Variants in SKAP1 observed in about 807,000 individuals in gnomAD.
SKAP1 encodes the protein src kinase associated phosphoprotein 1.
SKAP1 carries 44 observed loss-of-function variants against 58.5 expected under a neutral mutation model. That is an observed-to-expected ratio of 0.75 (90% CI 0.59 to 0.97). The LOEUF is 0.97. Among genes scored for constraint, SKAP1 ranks in the 50% least tolerant of loss-of-function variants. The pLI is 0.00. For missense variants in SKAP1, 390 were observed against 435.2 expected (o/e 0.90, Z 0.92); for synonymous variants, 127 against 149.7 (o/e 0.85, Z 1.11).
chr17:48,262,140 G>A (rs930537804), intron 4 of SKAP1, among the ~76,000 whole-genome samples: 2 of 152,178 alleles, frequency 1.3e-5, no homozygotes, highest in African/African-American at 2.4e-5. Flanking sequence ...TACCTGAGGC[G>A]GCAGAGCCTC....
At chr17:48,375,949 G>A (rs771649434) in intron 2 of SKAP1, among the ~76,000 whole-genome samples, 52 of 152,282 alleles carry the variant, frequency 3.4e-4, no homozygotes, top group Non-Finnish European at 1.3e-4. Context: ...AACAGACTTA[G>A]AGACTGGCTA....
At chr17:48,322,458 TAA>T (rs1428976178) in intron 4 of SKAP1, among the ~76,000 whole-genome samples, 26 of 152,200 alleles carry the variant, frequency 1.7e-4, no homozygotes, top group Non-Finnish European at 3.1e-4. Context: ...ACTCAAGGTA[TAA>T]CGGAAAGAGT....
At chr17:48,256,341 T>G (rs1395866567) in intron 4 of SKAP1, among the ~76,000 whole-genome samples, 1 of 152,110 alleles carries the variant, frequency 6.6e-6, no homozygotes, top group African/African-American at 2.4e-5. Context: ...TTAATTATAA[T>G]TGACATTCTT....
intron 4 of SKAP1, among the ~76,000 whole-genome samples, chr17:48,270,390 CT>C (rs1195705776): frequency 6.6e-6 from 1 of 151,916 alleles, no homozygotes; most frequent in African/African-American, 2.4e-5. Flanking sequence ...GTCACTGAGG[CT>C]GGAGTGCAGG....
intron 4 of SKAP1, among the ~76,000 whole-genome samples, chr17:48,207,316 T>C (rs1055339609): frequency 1.3e-5 from 2 of 151,810 alleles, no homozygotes; most frequent in Non-Finnish European, 2.9e-5. Flanking sequence ...GCAGAAACCA[T>C]CTCTACTAAA....
chr17:48,364,079 G>A (rs1553749), intron 2 of SKAP1, among the ~76,000 whole-genome samples: 50,756 of 152,026 alleles, frequency 0.33, 9,175 homozygotes, highest in African/African-American at 0.47. Flanking sequence ...GGAACCTAGC[G>A]GTGGCCTGGG....
At chr17:48,139,438 C>T (rs2063742377) in intron 11 of SKAP1, among the ~76,000 whole-genome samples, 1 of 152,050 alleles carries the variant, frequency 6.6e-6, no homozygotes, top group South Asian at 2.1e-4. Context: ...GCCGCAGCCT[C>T]CCAAAGTACT....
At chr17:48,153,894 T>TAAAAAAAAAAAA (rs1259590946) in intron 11 of SKAP1, among the ~76,000 whole-genome samples, 1 of 99,248 alleles carries the variant, frequency 1.0e-5, no homozygotes, top group South Asian at 3.1e-4. Flanking sequence ...GCCCTGAAAT[T>TAAAAAAAAAAAA]AAAAAAAAAA....
chr17:48,149,643 G>C (rs775984887), intron 11 of SKAP1, among the ~76,000 whole-genome samples: 3 of 152,072 alleles, frequency 2.0e-5, no homozygotes, highest in South Asian at 2.1e-4. Flanking sequence ...CCTACCCTCG[G>C]TGGGGTCATG....
chr17:48,442,140 C>T, the SKAP1 span, among the ~76,000 whole-genome samples: 14 of 152,042 alleles, frequency 9.2e-5, no homozygotes, highest in African/African-American at 3.1e-4. Flanking sequence ...ATTCTCATGT[C>T]GGTCCAAGTT....
rs138675473 is a variant in SKAP1 at position 48,240,044 on chromosome 17, G to A, written c.281-50544C>T. On this transcript the variant is annotated intron_variant, in intron 4 of 12. Transcript: ENST00000336915. ...TGGATTCAGTTAGTAAAATGTTTGT[G>A]CAGTATTTAAGGCCATAATGGGCTC... Among the ~76,000 whole-genome samples, 186 of 152,280 alleles carry A rather than the reference G, an allele frequency of 1.2e-3. 1 individual carries two copies. The highest frequency in any genetic ancestry group is 4.3e-3 in the African/African-American group (178 of 41,566).
intron 10 of SKAP1, among the ~76,000 whole-genome samples, chr17:48,164,163 A>G (rs2064106472): frequency 6.6e-6 from 1 of 152,246 alleles, no homozygotes. Context: ...ATAGAGAAAT[A>G]TCAATCCCTG....
intron 1 of SKAP1, among the ~76,000 whole-genome samples, chr17:48,416,008 T>A (rs921560391): frequency 6.6e-6 from 1 of 152,200 alleles, no homozygotes; most frequent in African/African-American, 2.4e-5. Flanking sequence ...CTAGGTATAA[T>A]ACTTGAAAAG....
intron 4 of SKAP1, among the ~76,000 whole-genome samples, chr17:48,315,837 A>G (rs989055259): frequency 6.6e-5 from 10 of 152,222 alleles, no homozygotes; most frequent in African/African-American, 2.4e-4. Context: ...GACTATGCAT[A>G]TAAAGCATAT....
chr17:48,221,092 C>T (rs1323000844), intron 4 of SKAP1, among the ~76,000 whole-genome samples: 1 of 151,850 alleles, frequency 6.6e-6, no homozygotes, highest in Non-Finnish European at 1.5e-5. Flanking sequence ...TATGGTGAAA[C>T]CGCGTCTCTA....
chr17:48,242,055 C>T (rs2065248682), intron 4 of SKAP1, among the ~76,000 whole-genome samples: 1 of 152,118 alleles, frequency 6.6e-6, no homozygotes, highest in East Asian at 1.9e-4. Context: ...GAACTGAGTC[C>T]AACAACACTA....
At chr17:48,299,572 G>A (rs2066031323) in intron 4 of SKAP1, among the ~76,000 whole-genome samples, 1 of 151,350 alleles carries the variant, frequency 6.6e-6, no homozygotes, top group African/African-American at 2.4e-5. Context: ...ATATATGTAT[G>A]TGTGTGTGTG....
chr17:48,162,122 C>T (rs1193975494), intron 11 of SKAP1, among the ~76,000 whole-genome samples: 8 of 152,134 alleles, frequency 5.3e-5, no homozygotes, highest in Non-Finnish European at 1.2e-4. Context: ...TGTGCTACCA[C>T]ACCTGGTTAA....
intron 4 of SKAP1, among the ~76,000 whole-genome samples, chr17:48,205,023 C>CTT (rs1461551875): frequency 3.2e-3 from 174 of 54,264 alleles, no homozygotes; most frequent in African/African-American, 8.6e-3. Flanking sequence ...CTTTTTCTTT[C>CTT]TTTCTTTCTT....
Sources: allele counts gnomAD v4.1 joint callset (sites outside exome capture counted in the v4.1 genomes callset), GRCh38; gene constraint gnomAD v4.1.1; transcripts MANE v1.5; gene names NCBI Gene and HGNC (gene_info 2026-07-23, HGNC 2026-07-21).